Variants in CSMD1 observed in about 807,000 individuals in gnomAD.
The protein encoded by CSMD1 is CUB and sushi domain-containing protein 1.
CSMD1 carries 213 observed loss-of-function variants against 417.5 expected under a neutral mutation model. That is an observed-to-expected ratio of 0.51 (90% CI 0.46 to 0.57). The LOEUF (loss-of-function observed/expected upper bound fraction) is 0.57. Ranked by LOEUF, CSMD1 falls within the 20% of genes least tolerant of loss-of-function variation. The pLI, the probability that CSMD1 is intolerant of heterozygous loss-of-function variation, is 0.00. For synonymous variants in CSMD1, 2,862 were observed against 1,736.8 expected (o/e 1.65, Z -16.11); for missense variants, 6,923 against 4,529.7 (o/e 1.53, Z -15.17).
intron 5 of CSMD1, among the ~76,000 whole-genome samples, chr8:3,808,870 G>A (rs184281663): frequency 2.6e-5 from 4 of 152,166 alleles, no homozygotes; most frequent in Admixed American, 2.0e-4. Flanking sequence ...GTCTCAATGA[G>A]AATTCTGAAG....
chr8:3,975,153 T>C (rs1288054813), intron 5 of CSMD1, among the ~76,000 whole-genome samples: 1 of 152,220 alleles, frequency 6.6e-6, no homozygotes, highest in Admixed American at 6.5e-5. Flanking sequence ...ACGAGAGGCA[T>C]GCCTCATCTT....
chr8:3,153,413 T>C (rs1819322756), intron 39 of CSMD1, among the ~76,000 whole-genome samples: 1 of 152,218 alleles, frequency 6.6e-6, no homozygotes, highest in Non-Finnish European at 1.5e-5. Context: ...GCTTTCACTT[T>C]ACTCTACGGA....
intron 3 of CSMD1, among the ~76,000 whole-genome samples, chr8:4,319,094 G>A (rs1799111007): frequency 6.6e-6 from 1 of 152,054 alleles, no homozygotes; most frequent in Non-Finnish European, 1.5e-5. Context: ...ACATATACAT[G>A]CACATAGTAA....
chr8:3,616,855 T>A (rs1468127627), intron 7 of CSMD1, 58 bp from the exon 8 acceptor site: 5 of 1,234,302 alleles, frequency 4.1e-6, no homozygotes, highest in African/African-American at 3.0e-5. Context: ...AATACCCAGA[T>A]AAAAAATTTA....
intron 5 of CSMD1, among the ~76,000 whole-genome samples, chr8:3,900,235 G>A (rs552629600): frequency 4.1e-4 from 61 of 149,374 alleles, no homozygotes; most frequent in African/African-American, 1.5e-3. Flanking sequence ...TGTTAACAGT[G>A]GAGCTGGGTA....
intron 2 of CSMD1, among the ~76,000 whole-genome samples, chr8:4,441,095 G>GTTTTTTTTTTTTCTTTT (rs1798445228): frequency 1.9e-5 from 1 of 51,296 alleles, no homozygotes; most frequent in African/African-American, 6.7e-5. Flanking sequence ...TAATCAAAAG[G>GTTTTTTTTTTTTCTTTT]TTTTTTTTTT....
intron 5 of CSMD1, among the ~76,000 whole-genome samples, chr8:3,970,798 G>C (rs1813028412): frequency 6.6e-6 from 1 of 151,992 alleles, no homozygotes; most frequent in South Asian, 2.1e-4. Flanking sequence ...TGTTACCCAG[G>C]CTGGAGTCCA....
chr8:4,730,604 G>A (rs986838013), intron 1 of CSMD1, among the ~76,000 whole-genome samples: 2 of 152,040 alleles, frequency 1.3e-5, no homozygotes, highest in Non-Finnish European at 2.9e-5. Flanking sequence ...AGCCGGGCGT[G>A]GTGGCGGGCG....
intron 3 of CSMD1, among the ~76,000 whole-genome samples, chr8:4,285,925 C>T (rs975528224): frequency 1.3e-5 from 2 of 152,114 alleles, no homozygotes; most frequent in African/African-American, 4.8e-5. Context: ...TCTGCACAAA[C>T]CTTTTAAGTG....
chr8:4,682,214 G>C (rs1316655423), intron 1 of CSMD1, among the ~76,000 whole-genome samples: 1 of 152,062 alleles, frequency 6.6e-6, no homozygotes, highest in African/African-American at 2.4e-5. Flanking sequence ...TGTTTTTGTA[G>C]AGATGGGATT....
chr8:3,627,890 T>C (rs1341625205), intron 7 of CSMD1, among the ~76,000 whole-genome samples: 1 of 152,184 alleles, frequency 6.6e-6, no homozygotes, highest in African/African-American at 2.4e-5. Context: ...CTTTTGACCT[T>C]TAGGAGAGCT....
intron 1 of CSMD1, among the ~76,000 whole-genome samples, chr8:4,726,223 T>A (rs1162140104): frequency 2.0e-5 from 3 of 152,150 alleles, no homozygotes; most frequent in Non-Finnish European, 2.9e-5. Flanking sequence ...TCACCCATAT[T>A]AGGGTCAGAA....
At chr8:3,040,003 A>G (rs1299355117) in intron 50 of CSMD1, among the ~76,000 whole-genome samples, 1 of 152,202 alleles carries the variant, frequency 6.6e-6, no homozygotes. Flanking sequence ...AGAATCCAGA[A>G]AGTGACTCCA....
intron 1 of CSMD1, among the ~76,000 whole-genome samples, chr8:4,975,541 T>C (rs1282711505): frequency 6.6e-6 from 1 of 152,168 alleles, no homozygotes; most frequent in Admixed American, 6.5e-5. Context: ...ATGAAGGAAG[T>C]GAAGCCCAGG....
At chr8:3,276,113 G>C (rs1802269896) in intron 26 of CSMD1, among the ~76,000 whole-genome samples, 1 of 152,114 alleles carries the variant, frequency 6.6e-6, no homozygotes, top group African/African-American at 2.4e-5. Context: ...TTTTGGTGTG[G>C]ATGTCATTTC....
intron 3 of CSMD1, among the ~76,000 whole-genome samples, chr8:4,161,486 T>C (rs1490398092): frequency 6.6e-6 from 1 of 152,152 alleles, no homozygotes; most frequent in East Asian, 1.9e-4. Context: ...ATGCTGCTGT[T>C]GAGATAAAAG....
At chr8:3,041,029 G>T (rs1017841442) in intron 50 of CSMD1, among the ~76,000 whole-genome samples, 1 of 151,510 alleles carries the variant, frequency 6.6e-6, no homozygotes, top group African/African-American at 2.4e-5. Context: ...TCTTCATATC[G>T]GTAAATAAAT....
intron 4 of CSMD1, among the ~76,000 whole-genome samples, chr8:4,015,160 A>T (rs1044724260): frequency 6.6e-6 from 1 of 152,214 alleles, no homozygotes; most frequent in African/African-American, 2.4e-5. Flanking sequence ...GGTTTCTTAT[A>T]TAAAAACTGT....
intron 3 of CSMD1, among the ~76,000 whole-genome samples, chr8:4,087,463 G>A (rs1264217628): frequency 1.3e-5 from 2 of 152,086 alleles, no homozygotes; most frequent in African/African-American, 4.8e-5. Context: ...CCCAACTTCT[G>A]TCCCTTTTCT....
Sources: allele counts gnomAD v4.1 joint callset (sites outside exome capture counted in the v4.1 genomes callset), GRCh38; gene constraint gnomAD v4.1.1; transcripts MANE v1.5; gene names NCBI Gene and HGNC (gene_info 2026-07-23, HGNC 2026-07-21).